CDH12: variants seen among roughly 807,000 people sequenced by gnomAD.
CDH12 encodes the protein cadherin-12.
A neutral mutation model predicts 74.1 loss-of-function variants in CDH12; 41 were observed. The ratio of observed to expected loss-of-function variants is 0.55; its 90% CI spans 0.43 to 0.72. The LOEUF (loss-of-function observed/expected upper bound fraction) is 0.72. Ranked by LOEUF, CDH12 falls within the 30% of genes least tolerant of loss-of-function variation. CDH12 has a pLI of 0.00. For synonymous variants in CDH12, 399 were observed against 355.0 expected (o/e 1.12, Z -1.39); for missense variants, 945 against 977.2 (o/e 0.97, Z 0.44).
chr5:21,938,548 G>A (rs370564207), intron 6 of CDH12, among the ~76,000 whole-genome samples: 324 of 149,184 alleles, frequency 2.2e-3, no homozygotes, highest in Non-Finnish European at 3.5e-3. Context: ...TCTATAGGTA[G>A]ACACAGAGAG....
At chr5:22,649,696 CTG>C (rs1193039411) in intron 1 of CDH12, among the ~76,000 whole-genome samples, 7 of 151,972 alleles carry the variant, frequency 4.6e-5, no homozygotes, top group Non-Finnish European at 1.0e-4. Context: ...GGTATAAAGA[CTG>C]GCATACACTT....
chr5:22,692,174 A>G (rs141736011), intron 1 of CDH12, among the ~76,000 whole-genome samples: 2 of 152,278 alleles, frequency 1.3e-5, no homozygotes, highest in African/African-American at 2.4e-5. Flanking sequence ...AAAGAGTCTG[A>G]CAGCTCCCTC....
intron 4 of CDH12, among the ~76,000 whole-genome samples, chr5:22,084,144 G>T (rs1044630403): frequency 6.6e-6 from 1 of 152,044 alleles, no homozygotes; most frequent in Non-Finnish European, 1.5e-5. Context: ...AGCCCATCAA[G>T]GCACTAAACA....
intron 4 of CDH12, among the ~76,000 whole-genome samples, chr5:22,162,624 A>T (rs901303645): frequency 3.9e-5 from 6 of 152,070 alleles, no homozygotes; most frequent in Non-Finnish European, 2.9e-5. Flanking sequence ...CGCAAGTATG[A>T]TGTGTTTATT....
rs141219231 is a variant in CDH12 at position 22,645,181 on chromosome 5, C to A, written c.-522-139817G>T. 3.6e-3 allele frequency among the ~76,000 whole-genome samples: 551 copies of A among 152,060 alleles called. 1 individual carries two copies. The highest frequency in any genetic ancestry group is 0.01 in the African/African-American group (425 of 41,492). Reference sequence around the variant, plus strand: ...CAGTGATTATTCTAATGGATCTGGGCAAAATCAATTGAAAACCTTTTGGAA... The same window carrying A: ...CAGTGATTATTCTAATGGATCTGGGAAAAATCAATTGAAAACCTTTTGGAA... On this transcript the variant is annotated intron_variant, in intron 1 of 14. Coordinates refer to ENST00000382254, the MANE Select transcript of CDH12 (RefSeq NM_004061.5).
intron 2 of CDH12, among the ~76,000 whole-genome samples, chr5:22,445,883 G>C (rs1019497361): frequency 6.6e-6 from 1 of 152,112 alleles, no homozygotes; most frequent in Non-Finnish European, 1.5e-5. Context: ...ATAAGCAAAT[G>C]TGTCCTTCAA....
At chr5:21,988,801 C>T (rs1164391412) in intron 5 of CDH12, among the ~76,000 whole-genome samples, 1 of 152,060 alleles carries the variant, frequency 6.6e-6, no homozygotes, top group Non-Finnish European at 1.5e-5. Flanking sequence ...ATACTTTCCA[C>T]GTTCTAGGGT....
chr5:21,880,616 C>CTCTCTCTCTCT (rs1752255658), intron 6 of CDH12, among the ~76,000 whole-genome samples: 2 of 50,810 alleles, frequency 3.9e-5, no homozygotes, highest in African/African-American at 1.8e-4. Flanking sequence ...TCCTTCCTTC[C>CTCTCTCTCTCT]TTCTTTCTTT....
intron 2 of CDH12, among the ~76,000 whole-genome samples, chr5:22,429,476 C>A (rs893784146): frequency 6.6e-6 from 1 of 152,036 alleles, no homozygotes; most frequent in Non-Finnish European, 1.5e-5. Flanking sequence ...TATACTCAAC[C>A]TCAAGGGAAA....
At chr5:22,318,771 G>A (rs576790832) in intron 3 of CDH12, among the ~76,000 whole-genome samples, 1 of 152,200 alleles carries the variant, frequency 6.6e-6, no homozygotes, top group South Asian at 2.1e-4. Flanking sequence ...ATATGTACAT[G>A]TGCATGTGTG....
intron 8 of CDH12, among the ~76,000 whole-genome samples, chr5:21,833,203 T>A (rs1168797771): frequency 4.5e-5 from 1 of 22,188 alleles, no homozygotes; most frequent in Non-Finnish European, 6.2e-5. Flanking sequence ...ATAATATATA[T>A]ATTATAATAT....
At chr5:21,800,612 T>A (rs948503434) in intron 10 of CDH12, among the ~76,000 whole-genome samples, 1 of 152,126 alleles carries the variant, frequency 6.6e-6, no homozygotes, top group African/African-American at 2.4e-5. Flanking sequence ...GGTCGCTTGA[T>A]CTTGGACTGT....
intron 5 of CDH12, among the ~76,000 whole-genome samples, chr5:22,000,131 TA>T (rs1736518692): frequency 6.6e-6 from 1 of 152,170 alleles, no homozygotes; most frequent in African/African-American, 2.4e-5. Context: ...TTTTTCTTAT[TA>T]AAATTATTTT....
At chr5:22,173,146 A>T (rs1442572090) in intron 4 of CDH12, among the ~76,000 whole-genome samples, 1 of 150,934 alleles carries the variant, frequency 6.6e-6, no homozygotes, top group African/African-American at 2.4e-5. Context: ...TTCATTTAGC[A>T]TAATACTTTT....
At chr5:22,116,465 C>T (rs1745109949) in intron 4 of CDH12, among the ~76,000 whole-genome samples, 1 of 152,188 alleles carries the variant, frequency 6.6e-6, no homozygotes, top group Non-Finnish European at 1.5e-5. Context: ...ATTAGCCAGG[C>T]GTGGTGGCGC....
chr5:22,823,513 A>T (rs1749837435), intron 1 of CDH12, among the ~76,000 whole-genome samples: 1 of 152,162 alleles, frequency 6.6e-6, no homozygotes, highest in Non-Finnish European at 1.5e-5. Context: ...CTGTAAGTTC[A>T]TTAAACATCT....
At chr5:22,464,281 G>T (rs1055398317) in intron 2 of CDH12, among the ~76,000 whole-genome samples, 1 of 152,070 alleles carries the variant, frequency 6.6e-6, no homozygotes, top group African/African-American at 2.4e-5. Context: ...TGTATAAATT[G>T]CCCAGTCTCA....
At chr5:22,358,099 G>A (rs923990583) in intron 3 of CDH12, among the ~76,000 whole-genome samples, 1 of 152,090 alleles carries the variant, frequency 6.6e-6, no homozygotes, top group African/African-American at 2.4e-5. Flanking sequence ...TTTCATCGAT[G>A]ACATTTCCTT....
At chr5:22,131,257 G>A (rs1419204243) in intron 4 of CDH12, among the ~76,000 whole-genome samples, 3 of 151,842 alleles carry the variant, frequency 2.0e-5, no homozygotes, top group East Asian at 1.9e-4. Flanking sequence ...TCTGGAATTC[G>A]GCATTGGCTA....
Sources: gnomAD v4.1 joint callset for allele counts (sites outside exome capture counted in the v4.1 genomes callset) on GRCh38, gnomAD v4.1.1 for gene constraint, MANE v1.5 for transcripts, NCBI Gene and HGNC (gene_info 2026-07-23, HGNC 2026-07-21) for gene names.